Variants in NRCAM observed in about 807,000 individuals in gnomAD.
NRCAM encodes the protein NgCAM-related cell adhesion molecule.
Under a neutral mutation model 156.5 loss-of-function variants are expected in NRCAM, and 83 were observed. The observed-to-expected ratio is 0.53, with a 90% confidence interval of 0.44 to 0.64. The LOEUF (loss-of-function observed/expected upper bound fraction) is 0.64, where lower values mean the gene tolerates loss of function less well. Among genes scored for constraint, NRCAM ranks in the 30% least tolerant of loss-of-function variants. The pLI is 0.00. For synonymous variants in NRCAM, 538 were observed against 563.9 expected, an observed-to-expected ratio of 0.95 and a Z score of 0.65; for missense variants, 1,417 against 1,597.3, an observed-to-expected ratio of 0.89 and a Z score of 1.92.
At chr7:108,342,730 G>A (rs954261313) in intron 2 of NRCAM, among the ~76,000 whole-genome samples, 1 of 152,222 alleles carries the variant, frequency 6.6e-6, no homozygotes, top group Admixed American at 6.5e-5. Context: ...AGTGGCAAAG[G>A]GTTGGCCTCA....
chr7:108,267,572 C>A (rs573906817), intron 3 of NRCAM, among the ~76,000 whole-genome samples: 1 of 152,214 alleles, frequency 6.6e-6, no homozygotes, highest in African/African-American at 2.4e-5. Flanking sequence ...AAAAAGCCCA[C>A]TTAAAATTTC....
intron 2 of NRCAM, among the ~76,000 whole-genome samples, chr7:108,388,775 T>C (rs1453291098): frequency 1.3e-5 from 2 of 152,244 alleles, no homozygotes; most frequent in African/African-American, 4.8e-5. Flanking sequence ...GCTTTCCACA[T>C]ACGGCTAGCC....
intron 11 of NRCAM, among the ~76,000 whole-genome samples, chr7:108,210,531 C>G (rs1019739967): frequency 1.3e-5 from 2 of 152,150 alleles, no homozygotes; most frequent in Non-Finnish European, 2.9e-5. Flanking sequence ...TAGGCGTGAG[C>G]CACCGCGCCT....
chr7:108,445,433 T>G (rs999608236), intron 1 of NRCAM, among the ~76,000 whole-genome samples: 8 of 152,222 alleles, frequency 5.3e-5, no homozygotes, highest in African/African-American at 1.9e-4. Context: ...TTATTCAAAA[T>G]CGAGTAGCCA....
intron 2 of NRCAM, among the ~76,000 whole-genome samples, chr7:108,331,820 G>T (rs1459694118): frequency 6.6e-6 from 1 of 152,156 alleles, no homozygotes; most frequent in African/African-American, 2.4e-5. Flanking sequence ...AATGGCCCAA[G>T]TTCACATTCA....
At chr7:108,447,841 T>C (rs544097394) in intron 1 of NRCAM, among the ~76,000 whole-genome samples, 83 of 152,246 alleles carry the variant, frequency 5.5e-4, no homozygotes, top group Non-Finnish European at 8.8e-4. Flanking sequence ...CAGTAAAATA[T>C]CCCTAGAATA....
chr7:108,181,741 C>T (rs1004048860), intron 24 of NRCAM, 81 bp downstream of exon 24: 32 of 833,360 alleles, frequency 3.8e-5, no homozygotes, highest in Non-Finnish European at 5.4e-5. Context: ...AAATAAGCCC[C>T]ACCTCCTGTG....
chr7:108,148,671 CAG>C lies in NRCAM; in HGVS notation c.*1237_*1238del, dbSNP rs2039897655. On this transcript the variant is annotated 3_prime_UTR_variant, in exon 33 of 33. Coordinates refer to ENST00000379028, the MANE Select transcript of NRCAM (RefSeq NM_001037132.4). ...TTTGCATACACGTTGTTTAATGCTG[CAG>C]AGTTTTGAACACTTACATAGGTAAA... The C allele has an allele frequency of 6.6e-6, 1 of 152,614 alleles. No individual in the cohort carries two copies. Among genetic ancestry groups the C allele is most frequent in the South Asian group, 2.1e-4 (1 of 4,826 alleles). 9.5% of individuals were successfully genotyped at this position (152,614 alleles called of 1,614,324 possible).
chr7:108,189,619 GA>G, intron 20 of NRCAM, 25 bp downstream of exon 20: 1 of 948,838 alleles, frequency 1.1e-6, no homozygotes, highest in Non-Finnish European at 1.7e-6. Context: ...TAGTTGATCG[GA>G]AATAGAGCAA....
At chr7:108,270,514 T>G (rs2097303449) in intron 3 of NRCAM, among the ~76,000 whole-genome samples, 1 of 152,254 alleles carries the variant, frequency 6.6e-6, no homozygotes, top group Non-Finnish European at 1.5e-5. Context: ...AACAGACTTT[T>G]TTTTTTAAGA....
chr7:108,282,434 T>A (rs1270829598), intron 3 of NRCAM, among the ~76,000 whole-genome samples: 8 of 152,198 alleles, frequency 5.3e-5, no homozygotes, highest in Non-Finnish European at 1.2e-4. Context: ...CCTATTTTTT[T>A]AAAAGAAATT....
intron 3 of NRCAM, among the ~76,000 whole-genome samples, chr7:108,276,406 T>C (rs1326044770): frequency 6.6e-6 from 1 of 152,238 alleles, no homozygotes; most frequent in Non-Finnish European, 1.5e-5. Flanking sequence ...GCTTTATGAA[T>C]CTGGGTGCTC....
chr7:108,298,092 T>G (rs1022931533), intron 3 of NRCAM, among the ~76,000 whole-genome samples: 1 of 152,080 alleles, frequency 6.6e-6, no homozygotes, highest in African/African-American at 2.4e-5. Context: ...ACACCCAGAA[T>G]AAAACACTTT....
intron 2 of NRCAM, among the ~76,000 whole-genome samples, chr7:108,327,466 T>G (rs1281354574): frequency 1.3e-5 from 2 of 152,178 alleles, no homozygotes; most frequent in East Asian, 1.9e-4. Flanking sequence ...TTAATGCACT[T>G]GCTTCATGTC....
chr7:108,158,659 G>A (rs1173464895), intron 32 of NRCAM, among the ~76,000 whole-genome samples: 1 of 152,004 alleles, frequency 6.6e-6, no homozygotes, highest in South Asian at 2.1e-4. Context: ...ATATAAGCAA[G>A]GGGCTTCTAA....
chr7:108,312,256 C>T (rs1022044185), intron 3 of NRCAM, among the ~76,000 whole-genome samples: 1 of 152,170 alleles, frequency 6.6e-6, no homozygotes, highest in South Asian at 2.1e-4. Context: ...GGATGGTATA[C>T]CCTCAGGAGA....
intron 2 of NRCAM, among the ~76,000 whole-genome samples, chr7:108,386,575 T>C (rs376031016): frequency 3.8e-4 from 58 of 152,180 alleles, no homozygotes; most frequent in African/African-American, 1.4e-3. Flanking sequence ...ATAGGAGGTG[T>C]TAATTTATTT....
chr7:108,285,522 G>A (rs1472520317), intron 3 of NRCAM, among the ~76,000 whole-genome samples: 1 of 152,152 alleles, frequency 6.6e-6, no homozygotes, highest in Admixed American at 6.5e-5. Context: ...AGGAGACAAT[G>A]GATTTCCCAA....
At chr7:108,216,529 CCT>C (rs1313479379) in intron 11 of NRCAM, among the ~76,000 whole-genome samples, 1 of 152,138 alleles carries the variant, frequency 6.6e-6, no homozygotes, top group Non-Finnish European at 1.5e-5. Flanking sequence ...TTCCATTCTC[CCT>C]GTCACTTTCA....
Sources: gnomAD v4.1 joint callset for allele counts (sites outside exome capture counted in the v4.1 genomes callset) on GRCh38, gnomAD v4.1.1 for gene constraint, MANE v1.5 for transcripts, NCBI Gene and HGNC (gene_info 2026-07-23, HGNC 2026-07-21) for gene names.